ZC3H12C: variants seen among roughly 807,000 people sequenced by gnomAD.
ZC3H12C encodes zinc finger CCCH-type containing 12C.
Under a neutral mutation model 76.3 loss-of-function variants are expected in ZC3H12C, and 20 were observed. The ratio of observed to expected loss-of-function variants is 0.26; its 90% CI spans 0.18 to 0.38. The LOEUF (loss-of-function observed/expected upper bound fraction) is 0.38. ZC3H12C is among the 10% of genes least tolerant of loss of function. ZC3H12C has a pLI of 1.00. For missense variants in ZC3H12C, 874 were observed against 1,086.5 expected (o/e 0.80, Z 2.75); for synonymous variants, 352 against 399.6 (o/e 0.88, Z 1.42).
intron 1 of ZC3H12C, among the ~76,000 whole-genome samples, chr11:110,133,621 A>G (rs1861903451): frequency 6.6e-6 from 1 of 152,222 alleles, no homozygotes; most frequent in Admixed American, 6.5e-5. Flanking sequence ...CAAATTACAT[A>G]AATTATCACT....
intron 1 of ZC3H12C, chr11:110,131,245 A>C: frequency 4.2e-6 from 3 of 720,878 alleles, no homozygotes; most frequent in South Asian, 3.5e-5. Flanking sequence ...CCAGAAAATT[A>C]AGTTATTTTT....
rs1862650649 is a variant in ZC3H12C at position 110,170,157 on chromosome 11, T to TA, written c.*4420_*4421insA. 1 of 152,194 alleles carries TA rather than the reference T, an allele frequency of 6.6e-6. No individual in the cohort carries two copies. Among genetic ancestry groups the TA allele is most frequent in the South Asian group, 2.1e-4 (1 of 4,826 alleles). The allele number at this position is 152,194 out of a possible 1,614,324, so 9.4% of individuals were successfully genotyped here. ...TAATTCATTTGAGTTTTCTTACCTG[T>TA]TTACACCCATTATTTATTAGAGATA... On this transcript the variant is annotated 3_prime_UTR_variant, in exon 6 of 6. Coordinates refer to ENST00000278590, the MANE Select transcript of ZC3H12C (RefSeq NM_033390.2).
intron 3 of ZC3H12C, among the ~76,000 whole-genome samples, chr11:110,155,923 T>TA (rs1862369541): frequency 1.3e-5 from 1 of 75,986 alleles, no homozygotes; most frequent in African/African-American, 3.5e-5. Flanking sequence ...ATAGAGTAAA[T>TA]TAAAAAAAGG....
chr11:110,095,021 A>G (rs1215685045), intron 1 of ZC3H12C, among the ~76,000 whole-genome samples: 1 of 152,212 alleles, frequency 6.6e-6, no homozygotes, highest in Non-Finnish European at 1.5e-5. Flanking sequence ...GGCATTTTTT[A>G]GCCTTTATTT....
At chr11:110,129,293 A>G (rs945649140) in intron 1 of ZC3H12C, among the ~76,000 whole-genome samples, 4 of 152,136 alleles carry the variant, frequency 2.6e-5, no homozygotes, top group African/African-American at 9.7e-5. Flanking sequence ...ATGGTACTTT[A>G]TCTTTTAGTT....
intron 1 of ZC3H12C, among the ~76,000 whole-genome samples, chr11:110,126,246 TGAG>T (rs1205961469): frequency 8.2e-6 from 1 of 122,626 alleles, no homozygotes; most frequent in African/African-American, 3.1e-5. Flanking sequence ...TTTTTTGAGA[TGAG>T]GTCTCACTCT....
chr11:110,111,491 G>C (rs778665391), intron 1 of ZC3H12C, among the ~76,000 whole-genome samples: 1 of 150,148 alleles, frequency 6.7e-6, no homozygotes, highest in Non-Finnish European at 1.5e-5. Context: ...CACCAGTTCC[G>C]AAGACTTGAC....
rs982242091 is a variant in ZC3H12C at position 110,168,348 on chromosome 11, G to A, written c.*2611G>A. On this transcript the variant is annotated 3_prime_UTR_variant, in exon 6 of 6. Transcript: ENST00000278590. ...CCTTTTTTTGAAGCACCGATGTTGC[G>A]TTCAGAGCTGTAGAATGAGATAATT... 3 of 152,064 alleles carry A rather than the reference G, an allele frequency of 2.0e-5. No individual in the cohort carries two copies. The highest frequency in any genetic ancestry group is 6.6e-5 in the Admixed American group (1 of 15,252). The allele number at this position is 152,064 out of a possible 1,614,324, so 9.4% of individuals were successfully genotyped here.
intron 2 of ZC3H12C, 129 bp downstream of exon 2, chr11:110,137,543 T>C (rs1861988441): frequency 5.3e-6 from 6 of 1,122,964 alleles, no homozygotes; most frequent in Non-Finnish European, 7.3e-6. Flanking sequence ...ATGTTAACAT[T>C]AGAAAACATT....
rs1397303998 is a variant in ZC3H12C at position 110,096,632 on chromosome 11, T to G, written c.21+3200T>G. On this transcript the variant is annotated intron_variant, in intron 1 of 5. Transcript: ENST00000278590. The stretch of plus-strand genomic sequence containing the variant: ...CCCATGATCTTAACCACTGTGCAAG[T>G]TCTGCCTCGATAGGATTCTGTTTTT... Among the ~76,000 whole-genome samples the G allele has an allele frequency of 3.3e-5, 5 of 152,244 alleles. No homozygotes were observed. The East Asian group carries it at 9.6e-4, about 29-fold the overall frequency.
chr11:110,097,093 T>C (rs1319722212), intron 1 of ZC3H12C, among the ~76,000 whole-genome samples: 1 of 152,242 alleles, frequency 6.6e-6, no homozygotes, highest in African/African-American at 2.4e-5. Context: ...ACACCTGTAA[T>C]CCCATAATCC....
intron 1 of ZC3H12C, among the ~76,000 whole-genome samples, chr11:110,114,707 T>A (rs1193171126): frequency 6.6e-6 from 1 of 152,230 alleles, no homozygotes; most frequent in African/African-American, 2.4e-5. Flanking sequence ...AGCTAGCTCA[T>A]GTCTCTAAAA....
intron 1 of ZC3H12C, among the ~76,000 whole-genome samples, chr11:110,135,125 G>A (rs1163235654): frequency 6.6e-6 from 1 of 151,860 alleles, no homozygotes; most frequent in Non-Finnish European, 1.5e-5. Flanking sequence ...TGTTTTTATG[G>A]CAGTCTGAAA....
chr11:110,146,306 G>C (rs1159513084), intron 2 of ZC3H12C, among the ~76,000 whole-genome samples: 2 of 152,222 alleles, frequency 1.3e-5, no homozygotes, highest in Non-Finnish European at 2.9e-5. Context: ...TGTTTTAACG[G>C]GTCAGGCTAA....
chr11:110,162,031 G>A (rs1862490488), intron 4 of ZC3H12C, among the ~76,000 whole-genome samples: 1 of 152,192 alleles, frequency 6.6e-6, no homozygotes, highest in South Asian at 2.1e-4. Context: ...CTACTTGGGA[G>A]GCTGAGGCAG....
chr11:110,165,344 C>T lies in ZC3H12C; in HGVS notation c.2259C>T (p.Asp753=). The T allele has an allele frequency of 2.5e-6, 4 of 1,614,034 alleles. No individual in the cohort carries two copies. Among genetic ancestry groups the T allele is most frequent in the Non-Finnish European group, 2.5e-6 (3 of 1,179,904 alleles). ...CCACGAGAATAGACAGCATCTCTGA[C>T]TCTCGACTTTATGACAGTTCTCCTT... ...LVATRIDSIS[D]SRLYDSSPSR... Residue 753 remains aspartate (D), a synonymous_variant, in exon 6 of 6, where the codon GAC becomes GAT. Transcript: ENST00000278590.
chr11:110,165,836 G>A lies in ZC3H12C; in HGVS notation c.*99G>A, dbSNP rs1862575004. ...CACATGTGATCTCCTTCTCAGCAAG[G>A]AGGTTATATAGTATCCATTTATGTG... On this transcript the variant is annotated 3_prime_UTR_variant, in exon 6 of 6. Coordinates refer to ENST00000278590, the MANE Select transcript of ZC3H12C (RefSeq NM_033390.2). The A allele has an allele frequency of 8.7e-7, 1 of 1,149,638 alleles. No homozygotes were observed. The highest frequency in any genetic ancestry group is 1.2e-6 in the Non-Finnish European group (1 of 824,448). The allele number at this position is 1,149,638 out of a possible 1,614,324, so 71.2% of individuals were successfully genotyped here.
chr11:110,131,807 A>C (rs975847514), intron 1 of ZC3H12C: 1 of 152,236 alleles, frequency 6.6e-6, no homozygotes, highest in African/African-American at 2.4e-5. Flanking sequence ...TAAAGGGTTA[A>C]AAAGAGGTTT....
rs751055296 is a variant in ZC3H12C, at chr11:110,098,558, C to T, written c.21+5126C>T. Among the ~76,000 whole-genome samples, 311 of 152,346 alleles carry T rather than the reference C, an allele frequency of 2.0e-3. 3 individuals carry two copies. Among genetic ancestry groups the T allele is most frequent in the Non-Finnish European group, 3.5e-3 (239 of 68,038 alleles). On this transcript the variant is annotated intron_variant, in intron 1 of 5. Transcript: ENST00000278590. ...TCACTCACTGACTTATCCAGAGCAA[C>T]TTCTAGTCTTACAAGCTTCATTCAT...
Sources: gnomAD v4.1 joint callset for allele counts (sites outside exome capture counted in the v4.1 genomes callset) on GRCh38, gnomAD v4.1.1 for gene constraint, MANE v1.5 for transcripts, NCBI Gene and HGNC (gene_info 2026-07-23, HGNC 2026-07-21) for gene names.